The following ZNF300 variants were observed in gnomAD, a reference collection of about 807,000 sequenced individuals.
ZNF300 encodes the protein kruppel-like zinc finger protein.
Under a neutral mutation model 13.9 loss-of-function variants are expected in ZNF300, and 6 were observed. That is an observed-to-expected ratio of 0.43 (90% confidence interval 0.24 to 0.85). ZNF300 has a LOEUF of 0.85. ZNF300 is among the 40% of genes least tolerant of loss of function. ZNF300 has a pLI of 0.25. For missense variants in ZNF300, 662 were observed against 714.2 expected (o/e 0.93, Z 0.83); for synonymous variants, 237 against 242.2 (o/e 0.98, Z 0.20).
rs1754700305 is a variant in ZNF300 at position 150,894,890 on chromosome 5, T to C, written c.*534A>G. ...CAGAGATGCAGGTCAACTTATATGCTTGAGATGGGAAAATGCATACAGATC... is the reference window on the plus strand; with the variant it reads ...CAGAGATGCAGGTCAACTTATATGCCTGAGATGGGAAAATGCATACAGATC... On this transcript the variant is annotated 3_prime_UTR_variant, in exon 6 of 6. Transcript: ENST00000274599. The C allele has an allele frequency of 6.6e-6, 1 of 152,314 alleles. No individual in the cohort carries two copies. Among genetic ancestry groups the C allele is most frequent in the Admixed American group, 6.5e-5 (1 of 15,270 alleles). 9.4% of individuals were successfully genotyped at this position (152,314 alleles called of 1,614,324 possible). A position where few individuals can be genotyped will look rare whatever the true frequency, so the allele number is the denominator to read the frequency against.
At chr5:150,897,691 G>A (rs757829891) in intron 5 of ZNF300, 4 of 213,232 alleles carry the variant, frequency 1.9e-5, no homozygotes, top group East Asian at 1.1e-4. Flanking sequence ...TCTCAAATAC[G>A]CTCACATCTC....
At position 150,895,856 on chromosome 5, in the gene ZNF300, C is replaced by T; in HGVS notation, c.1383G>A (p.Gly461=). 6.2e-7 allele frequency: 1 copy of T among 1,613,550 alleles called. No homozygotes were observed. Among genetic ancestry groups the T allele is most frequent in the Non-Finnish European group, 8.5e-7 (1 of 1,179,810 alleles). The stretch of plus-strand genomic sequence containing the variant: ...ATTCAGTACATTCATAAGGTTTTTC[C>T]CCAGTATGAACTAACTGATGTGTAA... ...ELITHQLVHT[G]EKPYECTECG... Residue 461 remains glycine (G), a synonymous_variant, in exon 6 of 6, where the codon GGG becomes GGA. Coordinates refer to ENST00000274599, the MANE Select transcript of ZNF300 (RefSeq NM_052860.4).
chr5:150,902,429 T>C (rs1384589751), intron 3 of ZNF300, among the ~76,000 whole-genome samples: 3 of 152,194 alleles, frequency 2.0e-5, no homozygotes, highest in Admixed American at 6.5e-5. Flanking sequence ...AGCTGGACAA[T>C]AGGAAGCATC....
At chr5:150,898,676 C>G in intron 3 of ZNF300, 122 bp from the exon 4 acceptor site, 1 of 1,173,714 alleles carries the variant, frequency 8.5e-7, no homozygotes, top group African/African-American at 1.6e-5. Flanking sequence ...AAATAAAATC[C>G]TGTTTTTAGC....
In ZNF300 at chr5:150,902,927, T is replaced by C. The variant is rs553359027; in HGVS notation, c.15+214A>G. ...AGGGAAATGCAAATCGTGTAACTCA[T>C]GATGTCTGCAAGTAAGATCAGAACA... is the stretch of plus-strand genomic sequence containing the variant. On this transcript the variant is annotated intron_variant, in intron 3 of 5. Coordinates refer to ENST00000274599, the MANE Select transcript of ZNF300 (RefSeq NM_052860.4). 2.6e-5 allele frequency among the ~76,000 whole-genome samples: 4 copies of C among 152,346 alleles called. No homozygotes were observed. In the South Asian group the frequency reaches 6.2e-4, roughly 24 times the overall value.
chr5:150,896,083 ACT>A lies in ZNF300; in HGVS notation c.1154_1155del (p.Glu385ValfsTer25), dbSNP rs1044887445. 5 of 1,613,124 alleles carry A rather than the reference ACT, an allele frequency of 3.1e-6. No homozygotes were observed. The highest frequency in any genetic ancestry group is 2.7e-5 in the African/African-American group (2 of 74,758). On this transcript the variant is annotated frameshift_variant, in exon 6 of 6. Coordinates refer to ENST00000274599, the MANE Select transcript of ZNF300 (RefSeq NM_052860.4). LOFTEE classifies it low-confidence loss of function (END_TRUNC). ...HTGEKPYECR[E>X]CGKAFSQKSQ... ...GACTTCTGGGAAAAGGCCTTCCCAC[ACT>A]CTCTACATTCATAGGGTTTTTCCCC... is the stretch of plus-strand genomic sequence containing the variant.
At chr5:150,900,635 A>AGCTG (rs1754962378) in intron 3 of ZNF300, 7 of 152,216 alleles carry the variant, frequency 4.6e-5, no homozygotes, top group Admixed American at 2.6e-4. Flanking sequence ...GATATTCAAC[A>AGCTG]GCTAGCCAGT....
intron 4 of ZNF300, 76 bp downstream of exon 4, chr5:150,898,352 C>G (rs1057241688): frequency 6.2e-7 from 1 of 1,610,036 alleles, no homozygotes; most frequent in African/African-American, 1.3e-5. Context: ...ATGTCAGGAA[C>G]AATCTAATCA....
At position 150,897,188 on chromosome 5, in the gene ZNF300, AAG is replaced by A. The variant is rs1344904218; in HGVS notation, c.266-217_266-216del. ...ATATTCATGTAAAAACTAAACTTAA[AAG>A]AGATGAAAAAGTGGGGTCTCATCAC... On this transcript the variant is annotated intron_variant, in intron 5 of 5. Coordinates refer to ENST00000274599, the MANE Select transcript of ZNF300 (RefSeq NM_052860.4). The A allele has an allele frequency of 6.2e-5, 26 of 417,164 alleles. No individual in the cohort carries two copies. The East Asian group carries it at 8.8e-4, about 14-fold the overall frequency. The allele number at this position is 417,164 out of a possible 1,614,324, so 25.8% of individuals were successfully genotyped here.
chr5:150,902,947 A>T (rs1472242856), intron 3 of ZNF300, among the ~76,000 whole-genome samples, 194 bp downstream of exon 3: 1 of 152,232 alleles, frequency 6.6e-6, no homozygotes, highest in Admixed American at 6.5e-5. Context: ...AAGTAAGATC[A>T]GAACAATTAG....
rs1754819427 is a variant in ZNF300 at position 150,897,097 on chromosome 5, A to G, written c.266-124T>C. On this transcript the variant is annotated intron_variant, in intron 5 of 5. Transcript: ENST00000274599. ...CACAAAAAAAGGATGGAAACAGGTC[A>G]TCTCAGAAGACAGTACAGCATATAG... 4 of 699,320 alleles carry G rather than the reference A, an allele frequency of 5.7e-6. No homozygotes were observed. The South Asian group carries it at 7.8e-5, about 14-fold the overall frequency. 43.3% of individuals were successfully genotyped at this position (699,320 alleles called of 1,614,324 possible).
At position 150,896,587 on chromosome 5, in the gene ZNF300, C is replaced by T; in HGVS notation, c.652G>A (p.Gly218Ser). ...TCACTCTGGCTAGATGATTTTCCAC[C>T]TCCAAAACTCTGATCAGGTTTTTTT... Reference protein sequence around the residue: ...SRKKPDQSFGGGKSSSQSEPN... With the variant: ...SRKKPDQSFGSGKSSSQSEPN... Residue 218 changes from glycine (G) to serine (S), a missense_variant, in exon 6 of 6, where the codon GGT (glycine) becomes AGT (serine). Transcript: ENST00000274599. 1 of 1,613,692 alleles carries T rather than the reference C, an allele frequency of 6.2e-7. No individual in the cohort carries two copies. Among genetic ancestry groups the T allele is most frequent in the South Asian group, 1.1e-5 (1 of 91,068 alleles).
chr5:150,895,454 G>A lies in ZNF300; in HGVS notation c.1785C>T (p.His595=). ...AFIQKSQLTV[H]QRIHTVVKS is the part of the protein sequence containing the mutation. The stretch of plus-strand genomic sequence containing the variant: ...ATTTTACCACTGTGTGAATTCTCTG[G>A]TGTACAGTTAGTTGTGACTTCTGGA... Residue 595 remains histidine (H), a synonymous_variant, in exon 6 of 6, where the codon CAC becomes CAT. Coordinates refer to ENST00000274599, the MANE Select transcript of ZNF300 (RefSeq NM_052860.4). 1.2e-6 allele frequency: 2 copies of A among 1,610,464 alleles called. No homozygotes were observed. The highest frequency in any genetic ancestry group is 1.1e-5 in the South Asian group (1 of 90,770).
intron 2 of ZNF300, chr5:150,903,503 T>C (rs566678761): frequency 3.9e-6 from 3 of 773,964 alleles, no homozygotes; most frequent in East Asian, 2.7e-5. Flanking sequence ...ATTCTATTTA[T>C]AGAAGATTTT....
intron 3 of ZNF300, among the ~76,000 whole-genome samples, chr5:150,901,575 T>G (rs997350570): frequency 3.9e-5 from 6 of 152,078 alleles, no homozygotes; most frequent in Non-Finnish European, 5.9e-5. Context: ...TAAACTCTAC[T>G]GTAAAATATA....
Position 150,896,192 on chromosome 5 carries a change from C to T in ZNF300, c.1047G>A (p.Gly349=). The change falls in exon 6 of 6, where the codon GGG becomes GGA. Residue 349 remains glycine, a synonymous_variant. Coordinates refer to ENST00000274599, the MANE Select transcript of ZNF300 (RefSeq NM_052860.4). ...ATTCACTACATTCATAGGGTTTTTCCCCAGTGTGAACTCTCTGATGTATAA... is the reference window on the plus strand; with the variant it reads ...ATTCACTACATTCATAGGGTTTTTCTCCAGTGTGAACTCTCTGATGTATAA... ...SLIIHQRVHT[G]EKPYECSECG... 3 of 1,613,352 alleles carry T rather than the reference C, an allele frequency of 1.9e-6. No homozygotes were observed. Among genetic ancestry groups the T allele is most frequent in the South Asian group, 1.1e-5 (1 of 91,026 alleles).
Position 150,903,044 on chromosome 5 carries a change from A to T in ZNF300, c.15+97T>A. 7.8e-6 allele frequency: 10 copies of T among 1,281,520 alleles called. No homozygotes were observed. The South Asian group carries it at 9.3e-5, about 12-fold the overall frequency. 79.4% of individuals were successfully genotyped at this position (1,281,520 alleles called of 1,614,324 possible). A position where few individuals can be genotyped will look rare whatever the true frequency, so the allele number is the denominator to read the frequency against. ...CGAGGTCTTGATCTTTGTTGTTACCACCTTTTCCTTCATCCAGATTTTAGC... is the reference window on the plus strand; with the variant it reads ...CGAGGTCTTGATCTTTGTTGTTACCTCCTTTTCCTTCATCCAGATTTTAGC... On this transcript the variant is annotated intron_variant, in intron 3 of 5. Transcript: ENST00000274599.
At position 150,896,945 on chromosome 5, in the gene ZNF300, CT is replaced by C. The variant is rs1425290930; in HGVS notation, c.293del (p.Gln98ArgfsTer15). Reference protein sequence around the residue: ...QDRKSNLHNSQSCILGTVSFH... With the variant: ...QDRKSNLHNSXSCILGTVSFH... Reference sequence around the variant, plus strand: ...AGGAAACTGTCCCCAAAATACATGACTGGGAGTTGTGAAGGTTACTCTTCCT... The same window carrying C: ...AGGAAACTGTCCCCAAAATACATGACGGGAGTTGTGAAGGTTACTCTTCCT... On this transcript the variant is annotated frameshift_variant, in exon 6 of 6. Transcript: ENST00000274599. LOFTEE classifies it low-confidence loss of function (END_TRUNC). 6.2e-7 allele frequency: 1 copy of C among 1,612,058 alleles called. No homozygotes were observed. Among genetic ancestry groups the C allele is most frequent in the African/African-American group, 1.3e-5 (1 of 74,768 alleles).
chr5:150,895,251 ATAACTATTTTCCATCATC>A lies in ZNF300; in HGVS notation c.*155_*172del, dbSNP rs1390626973. The A allele has an allele frequency of 3.9e-6, 2 of 517,006 alleles. No homozygotes were observed. The highest frequency in any genetic ancestry group is 6.8e-6 in the Non-Finnish European group (2 of 296,190). 32.0% of individuals were successfully genotyped at this position (517,006 alleles called of 1,614,324 possible). On this transcript the variant is annotated 3_prime_UTR_variant, in exon 6 of 6. Transcript: ENST00000274599. Reference sequence around the variant, plus strand: ...CATATTAAAAATGTTCTTCATTTATATAACTATTTTCCATCATCTTTGCTGGAAAAGTTAGGCATCACC... The same window carrying A: ...CATATTAAAAATGTTCTTCATTTATATTTGCTGGAAAAGTTAGGCATCACC...
Sources: allele counts gnomAD v4.1 joint callset (sites outside exome capture counted in the v4.1 genomes callset), GRCh38; gene constraint gnomAD v4.1.1; transcripts MANE v1.5; gene names NCBI Gene and HGNC (gene_info 2026-07-23, HGNC 2026-07-21).